The following AGAP2 variants were observed in gnomAD, a reference collection of about 807,000 sequenced individuals.
AGAP2 encodes the protein ArfGAP with GTPase domain, ankyrin repeat and PH domain 2.
In AGAP2, 32 loss-of-function variants were observed where a neutral mutation model predicts 110.9. That is an observed-to-expected ratio of 0.29 (90% CI 0.22 to 0.39). The LOEUF (loss-of-function observed/expected upper bound fraction) is 0.39. AGAP2 is among the 10% of genes least tolerant of loss of function. AGAP2 has a pLI of 1.00. For synonymous variants in AGAP2, 702 were observed against 713.0 expected, an observed-to-expected ratio of 0.98 and a Z score of 0.25; for missense variants, 1,285 against 1,638.5, an observed-to-expected ratio of 0.78 and a Z score of 3.72.
chr12:57,733,364 T>C (rs866465337), intron 5 of AGAP2, among the ~76,000 whole-genome samples: 3 of 152,156 alleles, frequency 2.0e-5, no homozygotes, highest in Middle Eastern at 6.8e-3. Flanking sequence ...TAGGAAAAGG[T>C]TGGGTGCCCA....
chr12:57,734,022 T>C lies in AGAP2; in HGVS notation c.1549+4A>G. On this transcript the variant is annotated splice_donor_region_variant and intron_variant, in intron 5 of 18. Coordinates refer to ENST00000547588, the MANE Select transcript of AGAP2 (RefSeq NM_001122772.3). ...AAAGCAGTGCTTTCCTAACCCCTCCTTACCTTGTGTCCCCACCAGTGCCAA... is the reference window on the plus strand; with the variant it reads ...AAAGCAGTGCTTTCCTAACCCCTCCCTACCTTGTGTCCCCACCAGTGCCAA... The C allele has an allele frequency of 1.3e-6, 2 of 1,575,166 alleles. No homozygotes were observed.
chr12:57,731,666 T>A (rs1258967938), intron 8 of AGAP2, 24 bp from the exon 9 acceptor site: 4 of 1,613,662 alleles, frequency 2.5e-6, no homozygotes, highest in Non-Finnish European at 3.4e-6. Flanking sequence ...TGGAATCAGT[T>A]TGAGGATGGA....
intron 1 of AGAP2, 94 bp from the exon 2 acceptor site, chr12:57,735,521 C>T (rs1288018512): frequency 8.7e-7 from 1 of 1,152,150 alleles, no homozygotes; most frequent in Non-Finnish European, 1.3e-6. Flanking sequence ...GCTTTCCAAC[C>T]CCCCCCCAAC....
chr12:57,730,260 G>T, intron 12 of AGAP2: 1 of 588,122 alleles, frequency 1.7e-6, no homozygotes, highest in Non-Finnish European at 2.9e-6. Flanking sequence ...GCACGGAGAG[G>T]TCAAGTAACT....
chr12:57,732,461 C>A lies in AGAP2; in HGVS notation c.1736G>T (p.Cys579Phe). The A allele has an allele frequency of 6.3e-7, 1 of 1,597,788 alleles. No individual in the cohort carries two copies. Among genetic ancestry groups the A allele is most frequent in the Non-Finnish European group, 8.5e-7 (1 of 1,171,912 alleles). ...GCTTGGGGAGCTGGGCAGGGACTTG[C>A]AGGCAGCCAGAAGCTGTTGCTGCTT... is the stretch of plus-strand genomic sequence containing the variant. The part of the protein sequence containing the change: ...LRKQQQLLAA[C>F]KSLPSSPSHS... The change falls in exon 7 of 19, where the codon TGC (cysteine) becomes TTC (phenylalanine). Residue 579 changes from cysteine to phenylalanine, a missense_variant. Cys to Phe is a radical substitution (Grantham distance 205). Transcript: ENST00000547588.
At position 57,734,370 on chromosome 12, in the gene AGAP2, T is replaced by C. The variant is rs1475337686; in HGVS notation, c.1350A>G (p.Gly450=). 6 of 1,614,090 alleles carry C rather than the reference T, an allele frequency of 3.7e-6. No individual in the cohort carries two copies. The highest frequency in any genetic ancestry group is 5.1e-6 in the Non-Finnish European group (6 of 1,180,038). ...EQYKKEMLVD[G]QTHLVLIREE... ...CTCGGATTAGCACCAGATGTGTCTG[T>C]CCATCCACCAACATTTCTTTCTTGT... Residue 450 remains glycine, a synonymous_variant, in exon 4 of 19, where the codon GGA becomes GGG. Coordinates refer to ENST00000547588, the MANE Select transcript of AGAP2 (RefSeq NM_001122772.3).
chr12:57,732,386 C>A lies in AGAP2; in HGVS notation c.1794+17G>T. On this transcript the variant is annotated intron_variant, in intron 7 of 18. Coordinates refer to ENST00000547588, the MANE Select transcript of AGAP2 (RefSeq NM_001122772.3). ...CATCTTACCGGCCCCTCTGCAGACT[C>A]TGAAACCCCAACTCACCTGGCCAGC... 1 of 1,574,608 alleles carries A rather than the reference C, an allele frequency of 6.4e-7. No individual in the cohort carries two copies. Among genetic ancestry groups the A allele is most frequent in the Non-Finnish European group, 8.6e-7 (1 of 1,158,520 alleles).
chr12:57,731,541 C>A lies in AGAP2; in HGVS notation c.2040+15G>T. 6.2e-7 allele frequency: 1 copy of A among 1,614,110 alleles called. No individual in the cohort carries two copies. Among genetic ancestry groups the A allele is most frequent in the Non-Finnish European group, 8.5e-7 (1 of 1,180,006 alleles). Reference sequence around the variant, plus strand: ...CCAGCTGCCCCTAGCCTGTCCCAGCCCCTGGATCACTCACCTGTTTGATGG... The same window carrying A: ...CCAGCTGCCCCTAGCCTGTCCCAGCACCTGGATCACTCACCTGTTTGATGG... On this transcript the variant is annotated intron_variant, in intron 9 of 18. Transcript: ENST00000547588.
rs1441633601 is a variant in AGAP2 at position 57,731,599 on chromosome 12, C to T, written c.1997G>A (p.Arg666Gln). Residue 666 changes from arginine to glutamine, a missense_variant, in exon 9 of 19, where the codon CGG becomes CAG. Transcript: ENST00000547588. The part of the protein sequence containing the change: ...SDSEKRSLDS[R>Q]GETTGSGRAI... ...TCGCCCACTCCCTGTTGTCTCTCCC[C>T]GACTATCCAAGCTTCGTTTCTCGGA... 1.2e-5 allele frequency: 19 copies of T among 1,613,908 alleles called. 1 individual carries two copies. The highest frequency in any genetic ancestry group is 6.6e-5 in the South Asian group (6 of 91,064).
Position 57,734,689 on chromosome 12 carries a change from AGGTTGT to A in AGAP2, c.1228-16_1228-11del. ...CATCGCCCAGCACACCCTGAGGGCA[AGGTTGT>A]GGAGCAGAAATTGTGGGATATAAGA... On this transcript the variant is annotated splice_polypyrimidine_tract_variant and intron_variant, in intron 2 of 18. Transcript: ENST00000547588. The A allele has an allele frequency of 1.2e-6, 2 of 1,613,830 alleles. No homozygotes were observed.
rs1435636085 is a variant in AGAP2, at chr12:57,737,417, T to A, written c.830A>T (p.Asp277Val). The A allele has an allele frequency of 3.1e-6, 5 of 1,613,728 alleles. No homozygotes were observed. The highest frequency in any genetic ancestry group is 3.4e-6 in the Non-Finnish European group (4 of 1,179,796). The change falls in exon 1 of 19, where the codon GAC becomes GTC. Residue 277 changes from aspartate to valine, a missense_variant. Coordinates refer to ENST00000547588, the MANE Select transcript of AGAP2 (RefSeq NM_001122772.3). The surrounding 1 kb of genome is among the most constrained non-coding windows in gnomAD (Gnocchi z 5.9). ...SPRKGKSKTL[D>V]NSDLHPGPPA... ...CGGTCCCGGATGCAAGTCACTGTTG[T>A]CCAAGGTCTTACTCTTGCCTTTCCG...
In AGAP2 at chr12:57,737,752, G is replaced by A. The variant is rs369927637; in HGVS notation, c.495C>T (p.Gly165=). The A allele has an allele frequency of 7.2e-6, 11 of 1,537,860 alleles. 1 individual carries two copies. The African/African-American group carries it at 1.4e-4, about 19-fold the overall frequency. ...PEGRAGGGIP[G]SSSPHPGTGS... is the part of the protein sequence containing the mutation. ...CGGTGCCAGGGTGCGGAGAGGATGAGCCAGGGATGCCGCCGCCCGCCCGGC... is the reference window on the plus strand; with the variant it reads ...CGGTGCCAGGGTGCGGAGAGGATGAACCAGGGATGCCGCCGCCCGCCCGGC... Residue 165 remains glycine, a synonymous_variant, in exon 1 of 19, where the codon GGC becomes GGT. Transcript: ENST00000547588. The surrounding 1 kb of genome is among the most constrained non-coding windows in gnomAD (Gnocchi z 5.9).
chr12:57,729,873 C>T lies in AGAP2; in HGVS notation c.2429-106G>A, dbSNP rs1385479478. ...ACTAGCTTTGGCATTTTAGGGCTCC[C>T]CTCCTCAACTGTCCCTCTCCAGGAG... On this transcript the variant is annotated intron_variant, in intron 12 of 18. Coordinates refer to ENST00000547588, the MANE Select transcript of AGAP2 (RefSeq NM_001122772.3). 4.1e-6 allele frequency: 6 copies of T among 1,461,028 alleles called. No individual in the cohort carries two copies. In the African/African-American group the frequency reaches 8.6e-5, roughly 21 times the overall value. 90.5% of individuals were successfully genotyped at this position (1,461,028 alleles called of 1,614,324 possible). A position where few individuals can be genotyped will look rare whatever the true frequency, so the allele number is the denominator to read the frequency against.
upstream of AGAP2, chr12:57,739,927 C>A (rs1955056970): frequency 6.6e-6 from 1 of 152,362 alleles, no homozygotes; most frequent in South Asian, 2.1e-4. Flanking sequence ...GTCCCCCACC[C>A]CTCTAGGGGT....
Position 57,737,468 on chromosome 12 carries a change from G to T in AGAP2, c.779C>A (p.Ala260Asp), listed in dbSNP as rs201146586. The change falls in exon 1 of 19, where the codon GCT (alanine) becomes GAT (aspartate). Residue 260 changes from alanine to aspartate, a missense_variant. Physicochemically the swap from Ala to Asp is moderately radical, Grantham distance 126. Around this residue, in one of 7 missense-constraint regions of AGAP2, gnomAD observed 844 missense variants for 941.2 expected, o/e 0.90. Transcript: ENST00000547588. The surrounding 1 kb of genome is among the most constrained non-coding windows in gnomAD (Gnocchi z 5.9). ...AGGGGACAACTTCCCTCGGGCTCCA[G>T]CCCCAGCCCCGACCCCACCAGAGGT... ...ASTSGGVGAG[A>D]GARGKLSPRK... is the part of the protein sequence containing the mutation. The T allele has an allele frequency of 1.2e-3, 1,995 of 1,610,754 alleles. 6 individuals are homozygous for T. Among genetic ancestry groups the T allele is most frequent in the Middle Eastern group, 3.1e-3 (19 of 6,054 alleles).
chr12:57,727,293 C>A, intron 17 of AGAP2, 64 bp from the exon 18 acceptor site: 1 of 1,610,364 alleles, frequency 6.2e-7, no homozygotes, highest in Non-Finnish European at 8.5e-7. Context: ...CTGCCCCTAC[C>A]CACGGGACCG....
upstream of AGAP2, chr12:57,740,017 C>A (rs1451870149): frequency 1.3e-5 from 2 of 152,322 alleles, no homozygotes; most frequent in African/African-American, 4.8e-5. Flanking sequence ...GAGGTTGAGA[C>A]CCCTTGGGGG....
chr12:57,732,515 G>T lies in AGAP2; in HGVS notation c.1685-3C>A, dbSNP rs1296692097. 6.3e-7 allele frequency: 1 copy of T among 1,578,262 alleles called. No individual in the cohort carries two copies. ...CAAGGTCACCACCTTCTGGGCCACT[G>T]AGGGGAGTTGACGGAAGGAGGTGTG... On this transcript the variant is annotated splice_polypyrimidine_tract_variant and splice_region_variant and intron_variant, in intron 6 of 18. Transcript: ENST00000547588.
rs577817690 is a variant in AGAP2 at position 57,732,822 on chromosome 12, A to G, written c.1684+23T>C. Reference sequence around the variant, plus strand: ...GGCCCCTTGCTCTGGCTTCCCACATATGCTGGAGATCACTACACTCACCCT... The same window carrying G: ...GGCCCCTTGCTCTGGCTTCCCACATGTGCTGGAGATCACTACACTCACCCT... On this transcript the variant is annotated intron_variant, in intron 6 of 18. Transcript: ENST00000547588. The G allele has an allele frequency of 2.4e-5, 38 of 1,613,254 alleles. No homozygotes were observed. The East Asian group carries it at 8.0e-4, about 34-fold the overall frequency.
Sources: gnomAD v4.1 joint callset for allele counts (sites outside exome capture counted in the v4.1 genomes callset) on GRCh38, gnomAD v4.1.1 for gene constraint, gnomAD v4.1.1 regional missense constraint, Gnocchi (gnomAD v3.1) non-coding constraint, MANE v1.5 for transcripts, NCBI Gene and HGNC (gene_info 2026-07-23, HGNC 2026-07-21) for gene names.